RNF150: variants seen among roughly 807,000 people sequenced by gnomAD.
RNF150 encodes the protein ring finger protein 150.
In RNF150, 24 loss-of-function variants were observed where a neutral mutation model predicts 39.3. The observed-to-expected ratio is 0.61, with a 90% CI of 0.44 to 0.86. The LOEUF is 0.86. RNF150 is among the 40% of genes least tolerant of loss of function. The pLI is 0.00. For missense variants in RNF150, 502 were observed against 587.8 expected, an observed-to-expected ratio of 0.85 and a Z score of 1.51; for synonymous variants, 255 against 227.3, an observed-to-expected ratio of 1.12 and a Z score of -1.10.
At chr4:141,029,907 A>G (rs1261949406) in intron 1 of RNF150, among the ~76,000 whole-genome samples, 1 of 152,194 alleles carries the variant, frequency 6.6e-6, no homozygotes, top group Non-Finnish European at 1.5e-5. Context: ...GCATATAAAG[A>G]GATGCCTGGC....
In RNF150 at chr4:141,155,349, C is replaced by T. The variant is rs578184484; in HGVS notation, c.-6+57445G>A. Among the ~76,000 whole-genome samples the T allele has an allele frequency of 7.3e-5, 11 of 151,602 alleles. No homozygotes were observed. In the South Asian group the frequency reaches 8.3e-4, roughly 11 times the overall value. On this transcript the variant is annotated intron_variant, in intron 1 of 7. Transcript: ENST00000420921. ...CTGACCTCAGATGATCCACCCGCCT[C>T]GGCCTCCCAAAATGCTGGGATTACA...
chr4:141,053,717 G>A (rs1455397405), intron 1 of RNF150: 2 of 1,416,366 alleles, frequency 1.4e-6, no homozygotes, highest in East Asian at 2.9e-5. Flanking sequence ...GGCTGGGCAT[G>A]AGAAGACATT....
chr4:141,093,451 A>G (rs575457814), intron 1 of RNF150, among the ~76,000 whole-genome samples: 1 of 152,280 alleles, frequency 6.6e-6, no homozygotes, highest in South Asian at 2.1e-4. Flanking sequence ...ACAAAAAAAC[A>G]AAAAACAAAA....
At chr4:141,089,522 G>A (rs1436612301) in intron 1 of RNF150, among the ~76,000 whole-genome samples, 3 of 152,170 alleles carry the variant, frequency 2.0e-5, no homozygotes, top group Non-Finnish European at 2.9e-5. Flanking sequence ...CATGATCAAG[G>A]AAAAGTGTCC....
intron 5 of RNF150, among the ~76,000 whole-genome samples, chr4:140,923,567 T>G (rs967525846): frequency 2.0e-5 from 3 of 152,170 alleles, no homozygotes; most frequent in African/African-American, 7.2e-5. Context: ...GTGTGGCGAT[T>G]CCTCAGGGAT....
At chr4:140,936,004 CT>C (rs911103688) in intron 4 of RNF150, among the ~76,000 whole-genome samples, 1 of 152,184 alleles carries the variant, frequency 6.6e-6, no homozygotes, top group Non-Finnish European at 1.5e-5. Context: ...TTAGTTTTCC[CT>C]GTTATTGAAT....
intron 1 of RNF150, among the ~76,000 whole-genome samples, chr4:141,158,052 G>A (rs953603394): frequency 1.3e-5 from 2 of 152,176 alleles, no homozygotes; most frequent in African/African-American, 4.8e-5. Flanking sequence ...CAGCACTTTG[G>A]GAGGCTGAGG....
chr4:140,963,416 A>T (rs1401897838), intron 2 of RNF150, among the ~76,000 whole-genome samples: 2 of 152,096 alleles, frequency 1.3e-5, no homozygotes, highest in African/African-American at 4.8e-5. Flanking sequence ...ATGCACTGCC[A>T]TATGGTGGCC....
intron 6 of RNF150, among the ~76,000 whole-genome samples, chr4:140,900,918 C>T (rs1730165917): frequency 6.6e-6 from 1 of 151,756 alleles, no homozygotes; most frequent in East Asian, 1.9e-4. Context: ...AAACTGAGGC[C>T]CAGAGATATT....
At chr4:140,886,052 G>A (rs191462999) in intron 6 of RNF150, among the ~76,000 whole-genome samples, 5,936 of 152,034 alleles carry the variant, frequency 0.039, 388 homozygotes, top group African/African-American at 0.14. Context: ...TTAGCCGGGC[G>A]TGGTGGCAGG....
At chr4:141,068,276 C>CGA (rs1737542618) in intron 1 of RNF150, among the ~76,000 whole-genome samples, 1 of 152,148 alleles carries the variant, frequency 6.6e-6, no homozygotes, top group Non-Finnish European at 1.5e-5. Flanking sequence ...ACTAAAGTGG[C>CGA]TCCTATCACT....
chr4:140,885,253 T>C (rs997745180), intron 6 of RNF150, among the ~76,000 whole-genome samples: 1 of 145,522 alleles, frequency 6.9e-6, no homozygotes, highest in Non-Finnish European at 1.5e-5. Context: ...CAGGCTGGAG[T>C]GCAGTGGTGT....
chr4:141,165,831 C>T (rs986073525), intron 1 of RNF150, among the ~76,000 whole-genome samples: 4 of 151,850 alleles, frequency 2.6e-5, no homozygotes, highest in Non-Finnish European at 5.9e-5. Flanking sequence ...CACTAAATGC[C>T]CACAGGAGAA....
intron 1 of RNF150, among the ~76,000 whole-genome samples, chr4:141,126,846 T>C (rs938604374): frequency 1.3e-5 from 2 of 151,716 alleles, no homozygotes; most frequent in African/African-American, 4.8e-5. Flanking sequence ...AAACTGAGGG[T>C]GAGAAGAGAA....
intron 1 of RNF150, among the ~76,000 whole-genome samples, chr4:141,140,955 G>C (rs565802082): frequency 6.6e-6 from 1 of 152,140 alleles, no homozygotes; most frequent in African/African-American, 2.4e-5. Context: ...TGCCTAATTT[G>C]CTATTTAGGT....
At chr4:141,166,242 T>G (rs948433368) in intron 1 of RNF150, among the ~76,000 whole-genome samples, 1 of 152,226 alleles carries the variant, frequency 6.6e-6, no homozygotes, top group Non-Finnish European at 1.5e-5. Context: ...CTCTCAAGAC[T>G]AAACCAGGGA....
chr4:140,919,989 G>C (rs1270106650), intron 5 of RNF150, among the ~76,000 whole-genome samples: 1 of 152,112 alleles, frequency 6.6e-6, no homozygotes, highest in African/African-American at 2.4e-5. Flanking sequence ...GCCATATGTA[G>C]AAAGCTGAAA....
rs550734005 is a variant in RNF150 at position 141,068,192 on chromosome 4, G to A, written c.484+64133C>T. On this transcript the variant is annotated intron_variant, in intron 1 of 6. Transcript: ENST00000515673. Reference sequence around the variant, plus strand: ...ACACCTAACCTCATGTGATCTGCCCGCCTTGGCCTCCCAAAGTGCTGGGAT... The same window carrying A: ...ACACCTAACCTCATGTGATCTGCCCACCTTGGCCTCCCAAAGTGCTGGGAT... 7.2e-5 allele frequency among the ~76,000 whole-genome samples: 11 copies of A among 152,188 alleles called. No individual in the cohort carries two copies. The South Asian group carries it at 8.3e-4, about 11-fold the overall frequency.
At chr4:140,872,595 A>G (rs1269787214) in intron 6 of RNF150, among the ~76,000 whole-genome samples, 1 of 152,220 alleles carries the variant, frequency 6.6e-6, no homozygotes, top group Non-Finnish European at 1.5e-5. Context: ...TTGTGGTGCT[A>G]AAGGTGGAGA....
Sources: gnomAD v4.1 joint callset for allele counts (sites outside exome capture counted in the v4.1 genomes callset) on GRCh38, gnomAD v4.1.1 for gene constraint, MANE v1.5 for transcripts, NCBI Gene and HGNC (gene_info 2026-07-23, HGNC 2026-07-21) for gene names.